INPP5A: variants seen among roughly 807,000 people sequenced by gnomAD.
INPP5A encodes inositol polyphosphate-5-phosphatase A.
In INPP5A, 14 loss-of-function variants were observed where a neutral mutation model predicts 65.2. The ratio of observed to expected loss-of-function variants is 0.21; its 90% CI spans 0.14 to 0.34. The LOEUF is 0.34. Among genes scored for constraint, INPP5A ranks in the 10% least tolerant of loss-of-function variants. The pLI is 1.00. For synonymous variants in INPP5A, 207 were observed against 208.3 expected, an observed-to-expected ratio of 0.99 and a Z score of 0.05; for missense variants, 431 against 545.6, an observed-to-expected ratio of 0.79 and a Z score of 2.09.
intron 12 of INPP5A, among the ~76,000 whole-genome samples, chr10:132,775,433 T>A (rs920883918): frequency 6.6e-6 from 1 of 152,104 alleles, no homozygotes; most frequent in Non-Finnish European, 1.5e-5. Flanking sequence ...CCTGCTGCTC[T>A]GCAGCGTGGC....
intron 2 of INPP5A, among the ~76,000 whole-genome samples, chr10:132,625,646 CT>C (rs1245684493): frequency 6.6e-6 from 1 of 152,192 alleles, no homozygotes; most frequent in East Asian, 1.9e-4. Flanking sequence ...GGGGTGACCC[CT>C]GGCCAGTCCT....
At chr10:132,781,997 G>T (rs770600505) in intron 15 of INPP5A, 40 bp from the exon 16 acceptor site, 2 of 1,611,568 alleles carry the variant, frequency 1.2e-6, no homozygotes, top group East Asian at 2.2e-5. Flanking sequence ...GCTTTTCCTG[G>T]TGCGTTTGTT....
intron 11 of INPP5A, among the ~76,000 whole-genome samples, chr10:132,756,752 C>T (rs1434959168): frequency 1.3e-5 from 2 of 152,248 alleles, no homozygotes; most frequent in Admixed American, 6.5e-5. Flanking sequence ...TGTAAACAGC[C>T]TCAGGCAGGT....
At chr10:132,608,206 C>T (rs188845529) in intron 2 of INPP5A, among the ~76,000 whole-genome samples, 104 of 152,352 alleles carry the variant, frequency 6.8e-4, no homozygotes, top group Middle Eastern at 3.4e-3. Flanking sequence ...GCTCCCTCCC[C>T]GCTCCCCGCG....
chr10:132,743,340 G>A (rs1356790298), intron 9 of INPP5A, among the ~76,000 whole-genome samples: 3 of 134,844 alleles, frequency 2.2e-5, no homozygotes, highest in Non-Finnish European at 3.1e-5. Flanking sequence ...AGCAGGGACC[G>A]GGCCCGGGAG....
chr10:132,662,756 C>T (rs940496830), intron 4 of INPP5A, among the ~76,000 whole-genome samples: 4 of 152,176 alleles, frequency 2.6e-5, no homozygotes, highest in African/African-American at 4.8e-5. Context: ...CCAGCCTGGC[C>T]GCTCTCTGCT....
intron 9 of INPP5A, among the ~76,000 whole-genome samples, chr10:132,748,015 G>T (rs1056071676): frequency 1.3e-5 from 2 of 152,148 alleles, no homozygotes; most frequent in African/African-American, 4.8e-5. Context: ...ACGCCACTGC[G>T]CTCTGGCCTG....
chr10:132,702,623 G>T (rs1221331246), intron 6 of INPP5A, among the ~76,000 whole-genome samples: 1 of 152,208 alleles, frequency 6.6e-6, no homozygotes, highest in Non-Finnish European at 1.5e-5. Flanking sequence ...AGGCGTGCGT[G>T]CAGGGAGGTG....
At chr10:132,561,214 C>T (rs186625817) in intron 1 of INPP5A, among the ~76,000 whole-genome samples, 7 of 107,566 alleles carry the variant, frequency 6.5e-5, no homozygotes, top group African/African-American at 2.2e-4. Context: ...AGACTTGTAT[C>T]ACCACACCTG....
At chr10:132,623,075 C>A (rs1399299746) in intron 2 of INPP5A, among the ~76,000 whole-genome samples, 1 of 152,188 alleles carries the variant, frequency 6.6e-6, no homozygotes, top group African/African-American at 2.4e-5. Context: ...ACTAACCAAT[C>A]TACTGAGTTA....
At chr10:132,771,629 A>G (rs139684268) in intron 12 of INPP5A, among the ~76,000 whole-genome samples, 2,568 of 151,492 alleles carry the variant, frequency 0.017, 36 homozygotes, top group South Asian at 0.037. Flanking sequence ...GACACTCAGC[A>G]CTGACACGGA....
rs114327433 is a variant in INPP5A at position 132,726,789 on chromosome 10, C to T, written c.648-32C>T. ...GCATGAGGGCTGGCCGGCTTCAGCGCCCTCGGTAACAAGTCCTCTTTTTCT... is the reference window on the plus strand; with the variant it reads ...GCATGAGGGCTGGCCGGCTTCAGCGTCCTCGGTAACAAGTCCTCTTTTTCT... On this transcript the variant is annotated intron_variant, in intron 8 of 15. Coordinates refer to ENST00000368594, the MANE Select transcript of INPP5A (RefSeq NM_005539.5). The T allele has an allele frequency of 1.3e-3, 1,948 of 1,536,874 alleles. 17 individuals are homozygous for T. The African/African-American group carries it at 0.019, about 15-fold the overall frequency.
At chr10:132,713,609 C>A (rs1429694688) in intron 8 of INPP5A, among the ~76,000 whole-genome samples, 2 of 152,158 alleles carry the variant, frequency 1.3e-5, no homozygotes, top group Non-Finnish European at 2.9e-5. Flanking sequence ...CCTCCGTCTC[C>A]AGAGTGATGG....
At chr10:132,681,532 G>T (rs1008344522) in intron 4 of INPP5A, among the ~76,000 whole-genome samples, 1 of 152,148 alleles carries the variant, frequency 6.6e-6, no homozygotes, top group African/African-American at 2.4e-5. Context: ...TCACCGCGAG[G>T]GTCCGCGGCT....
rs930469435 is a variant in INPP5A, at chr10:132,707,463, T to C, written c.475-850T>C. Among the ~76,000 whole-genome samples, 1 of 152,232 alleles carries C rather than the reference T, an allele frequency of 6.6e-6. No homozygotes were observed. Among genetic ancestry groups the C allele is most frequent in the African/African-American group, 2.4e-5 (1 of 41,456 alleles). ...GGCTGTGAAGCTACCCTGTTCTGCA[T>C]GGCTGTTTAAATTAAAATTAATGAA... On this transcript the variant is annotated intron_variant, in intron 6 of 15. Transcript: ENST00000368594. The surrounding 1 kb of genome is among the most constrained non-coding windows in gnomAD (Gnocchi z 5.5).
In INPP5A at chr10:132,551,219, T is replaced by A. The variant is rs1219187545; in HGVS notation, c.75+13048T>A. On this transcript the variant is annotated intron_variant, in intron 1 of 15. Coordinates refer to ENST00000368594, the MANE Select transcript of INPP5A (RefSeq NM_005539.5). This position sits in a 1 kb window ranked among gnomAD's most constrained non-coding sequence, Gnocchi z 5.3. ...AGTTGCCACCTGCTGGCACTGTGAA[T>A]GTTAGACTGCAGAGCTGAGTGGGGA... Among the ~76,000 whole-genome samples the A allele has an allele frequency of 6.6e-6, 1 of 152,234 alleles. No individual in the cohort carries two copies. The highest frequency in any genetic ancestry group is 6.5e-5 in the Admixed American group (1 of 15,290).
chr10:132,767,581 C>G (rs1486042957), intron 12 of INPP5A, among the ~76,000 whole-genome samples: 1 of 152,192 alleles, frequency 6.6e-6, no homozygotes, highest in Non-Finnish European at 1.5e-5. Flanking sequence ...GTGCAGGAAG[C>G]CTCAGGGGAT....
At chr10:132,731,234 A>G (rs901241392) in intron 9 of INPP5A, among the ~76,000 whole-genome samples, 1 of 152,032 alleles carries the variant, frequency 6.6e-6, no homozygotes, top group African/African-American at 2.4e-5. Context: ...AGGTGACCGC[A>G]CCCCTCCCGC....
In INPP5A at chr10:132,731,216, G is replaced by A. The variant is rs189527649; in HGVS notation, c.732+4311G>A. Among the ~76,000 whole-genome samples, 468 of 152,302 alleles carry A rather than the reference G, an allele frequency of 3.1e-3. 2 individuals are homozygous for A. The highest frequency in any genetic ancestry group is 5.4e-3 in the Non-Finnish European group (366 of 68,016). On this transcript the variant is annotated intron_variant, in intron 9 of 15. Coordinates refer to ENST00000368594, the MANE Select transcript of INPP5A (RefSeq NM_005539.5). ...TGAGAGGTCAGAGAACAGAGAAGGCGGCCCTGGAGGTGACCGCACCCCTCC... is the reference window on the plus strand; with the variant it reads ...TGAGAGGTCAGAGAACAGAGAAGGCAGCCCTGGAGGTGACCGCACCCCTCC...
Sources: allele counts gnomAD v4.1 joint callset (sites outside exome capture counted in the v4.1 genomes callset), GRCh38; gene constraint gnomAD v4.1.1; non-coding constraint Gnocchi (gnomAD v3.1); transcripts MANE v1.5; gene names NCBI Gene and HGNC (gene_info 2026-07-23, HGNC 2026-07-21).